The following AIDA variants were observed in gnomAD, a reference collection of about 807,000 sequenced individuals.
AIDA encodes axin interactor, dorsalization associated.
Under a neutral mutation model 42.7 loss-of-function variants are expected in AIDA, and 18 were observed. That is an observed-to-expected ratio of 0.42 (90% CI 0.29 to 0.63). The LOEUF is 0.63. Ranked by LOEUF, AIDA falls within the 20% of genes least tolerant of loss-of-function variation. The pLI, the probability that AIDA is intolerant of heterozygous loss-of-function variation, is 0.19. For synonymous variants in AIDA, 104 were observed against 122.9 expected, an observed-to-expected ratio of 0.85 and a Z score of 1.02; for missense variants, 250 against 354.1, an observed-to-expected ratio of 0.71 and a Z score of 2.36.
chr1:222,697,666 T>C (rs764465559), intron 2 of AIDA, among the ~76,000 whole-genome samples: 57 of 152,172 alleles, frequency 3.7e-4, no homozygotes, highest in Non-Finnish European at 6.0e-4. Context: ...AAGGAAAAGA[T>C]GGAATAGAAA....
chr1:222,669,989 T>C lies in AIDA; in HGVS notation c.825A>G (p.Leu275=), dbSNP rs180751217. The C allele has an allele frequency of 3.7e-6, 6 of 1,614,160 alleles. No individual in the cohort carries two copies. The East Asian group carries it at 8.9e-5, about 24-fold the overall frequency. ...EIKPGPIVIE[L]YKKPTDFKRK... is the part of the protein sequence containing the mutation. ...TTTTAAAGTCAGTGGGTTTCTTGTA[T>C]CTGTAATCACAACAGAAAGACCATT... is the stretch of plus-strand genomic sequence containing the variant. The change falls in exon 10 of 10, where the codon CTA becomes CTG. Residue 275 remains leucine (L), a splice_region_variant and synonymous_variant. Transcript: ENST00000340020.
intron 1 of AIDA, among the ~76,000 whole-genome samples, chr1:222,710,685 A>G (rs1389150016): frequency 3.9e-5 from 6 of 152,258 alleles, no homozygotes; most frequent in Non-Finnish European, 8.8e-5. Context: ...CTCTCAGTAC[A>G]TCTTAAGCAC....
chr1:222,671,074 A>T (rs1664439542), intron 8 of AIDA, among the ~76,000 whole-genome samples: 1 of 152,006 alleles, frequency 6.6e-6, no homozygotes. Context: ...AAAAAATTTT[A>T]AAAATAGCCA....
chr1:222,712,084 T>C, intron 1 of AIDA, 124 bp downstream of exon 1: 1 of 1,444,406 alleles, frequency 6.9e-7, no homozygotes, highest in Non-Finnish European at 9.4e-7. Context: ...TCAGCCCCAG[T>C]GCCTGCGGAG....
intron 2 of AIDA, among the ~76,000 whole-genome samples, chr1:222,701,061 C>A (rs1303472767): frequency 6.7e-6 from 1 of 149,536 alleles, no homozygotes; most frequent in African/African-American, 2.5e-5. Flanking sequence ...CTCCCGAGTT[C>A]AGGTGATCCT....
chr1:222,676,935 C>CAA (rs202074935), intron 6 of AIDA, among the ~76,000 whole-genome samples: 5 of 124,478 alleles, frequency 4.0e-5, no homozygotes, highest in African/African-American at 1.1e-4. Flanking sequence ...CAAAAAAAAA[C>CAA]AAACAAAAAA....
intron 7 of AIDA, among the ~76,000 whole-genome samples, chr1:222,675,658 A>T (rs1664530612): frequency 6.6e-6 from 1 of 152,160 alleles, no homozygotes; most frequent in Admixed American, 6.5e-5. Context: ...TCCAATGTAG[A>T]CCTCTCTCTT....
chr1:222,700,979 G>GGGC lies in AIDA; in HGVS notation c.180+2168_180+2169insGCC, dbSNP rs1553295537. ...CATTTCTTGATTTTTTTTGGGGGGG[G>GGGC]GGGGACAGGGTCTCACTGTGTCGCC... is the stretch of plus-strand genomic sequence containing the variant. On this transcript the variant is annotated intron_variant, in intron 2 of 9. Transcript: ENST00000340020. Among the ~76,000 whole-genome samples, 12 of 145,700 alleles carry GGGC rather than the reference G, an allele frequency of 8.2e-5. 1 individual carries two copies. Among genetic ancestry groups the GGGC allele is most frequent in the African/African-American group, 3.1e-4 (12 of 38,974 alleles).
chr1:222,699,839 T>G (rs1220632025), intron 2 of AIDA, among the ~76,000 whole-genome samples: 7 of 151,962 alleles, frequency 4.6e-5, no homozygotes, highest in African/African-American at 1.7e-4. Flanking sequence ...TGGTGCGATC[T>G]CGGCTCACTG....
rs549866223 is a variant in AIDA at position 222,687,158 on chromosome 1, G to A, written c.354-122C>T. On this transcript the variant is annotated intron_variant, in intron 5 of 9. Coordinates refer to ENST00000340020, the MANE Select transcript of AIDA (RefSeq NM_022831.4). ...AAAAAAATGCTGATAGGCCGGGTGT[G>A]GTGGCTCATGCTTGTAATCCTAGCA... The A allele has an allele frequency of 6.0e-5, 87 of 1,460,728 alleles. No homozygotes were observed. In the South Asian group the frequency reaches 1.1e-3, roughly 18 times the overall value. 90.5% of individuals were successfully genotyped at this position (1,460,728 alleles called of 1,614,324 possible).
Position 222,687,596 on chromosome 1 carries a change from T to C in AIDA, c.352A>G (p.Arg118Gly). Residue 118 changes from arginine to glycine, a missense_variant and splice_region_variant, in exon 5 of 10, where the codon AGA becomes GGA. By Grantham distance (125) the Arg-to-Gly change is moderately radical. This residue lies in a region of AIDA where 199 missense variants were observed against 232.6 expected (regional missense o/e 0.86). Transcript: ENST00000340020. ...AACAAATATAAATGTTTCTTTTACCTTAATGGGACAGGCTGAACATCAAAT... is the reference window on the plus strand; with the variant it reads ...AACAAATATAAATGTTTCTTTTACCCTAATGGGACAGGCTGAACATCAAAT... ...FPFDVQPVPL[R>G]RILAPGEEEN... The C allele has an allele frequency of 6.7e-7, 1 of 1,492,956 alleles. No homozygotes were observed. The highest frequency in any genetic ancestry group is 1.2e-5 in the South Asian group (1 of 80,690). The allele number at this position is 1,492,956 out of a possible 1,614,324, so 92.5% of individuals were successfully genotyped here.
chr1:222,680,993 A>G (rs928427721), intron 6 of AIDA, among the ~76,000 whole-genome samples: 6 of 152,298 alleles, frequency 3.9e-5, no homozygotes, highest in African/African-American at 1.4e-4. Flanking sequence ...ATGACTTTTC[A>G]TATCCTGAAG....
chr1:222,687,996 T>C (rs919389647), intron 4 of AIDA, among the ~76,000 whole-genome samples: 2 of 152,064 alleles, frequency 1.3e-5, no homozygotes, highest in Admixed American at 1.3e-4. Flanking sequence ...GCCTCCTCCC[T>C]ATAGTACTTT....
intron 8 of AIDA, among the ~76,000 whole-genome samples, chr1:222,672,421 T>G (rs1470921984): frequency 6.6e-6 from 1 of 152,206 alleles, no homozygotes; most frequent in Non-Finnish European, 1.5e-5. Context: ...ATACATAGTC[T>G]TCTAACACAG....
chr1:222,698,633 T>C (rs1057012425), intron 2 of AIDA, among the ~76,000 whole-genome samples: 9 of 151,976 alleles, frequency 5.9e-5, no homozygotes, highest in Middle Eastern at 3.2e-3. Context: ...GTATTTTTAG[T>C]AGAGACGGGG....
chr1:222,677,218 G>A lies in AIDA; in HGVS notation c.461-1000C>T, dbSNP rs145623877. Among the ~76,000 whole-genome samples the A allele has an allele frequency of 1.5e-3, 226 of 152,056 alleles. 6 individuals are homozygous for A. The South Asian group carries it at 0.021, about 14-fold the overall frequency. On this transcript the variant is annotated intron_variant, in intron 6 of 9. Coordinates refer to ENST00000340020, the MANE Select transcript of AIDA (RefSeq NM_022831.4). ...ATTGCTTATTTAAAGAGAGAGGATC[G>A]ATTTTTTAATAATACCTCTGCTGGC...
At chr1:222,701,178 G>A (rs942079008) in intron 2 of AIDA, among the ~76,000 whole-genome samples, 1 of 152,104 alleles carries the variant, frequency 6.6e-6, no homozygotes, top group African/African-American at 2.4e-5. Flanking sequence ...GCCCAGGCCG[G>A]TCTTGAACTC....
intron 1 of AIDA, among the ~76,000 whole-genome samples, chr1:222,707,136 C>G (rs946143545): frequency 1.3e-5 from 2 of 151,786 alleles, no homozygotes; most frequent in Non-Finnish European, 2.9e-5. Flanking sequence ...TAAATTATAC[C>G]TCAATAAAGT....
In AIDA at chr1:222,670,124, A is replaced by G. The variant is rs1664419349; in HGVS notation, c.824+9T>C. 3.7e-6 allele frequency: 6 copies of G among 1,612,998 alleles called. No individual in the cohort carries two copies. In the South Asian group the frequency reaches 4.4e-5, roughly 12 times the overall value. On this transcript the variant is annotated intron_variant, in intron 9 of 9. Coordinates refer to ENST00000340020, the MANE Select transcript of AIDA (RefSeq NM_022831.4). ...AAATTAGTACTAATTCTATATGCAC[A>G]TCACTTACAGTTCTATTACAATTGG... is the stretch of plus-strand genomic sequence containing the variant.
Sources: allele counts gnomAD v4.1 joint callset (sites outside exome capture counted in the v4.1 genomes callset), GRCh38; gene constraint gnomAD v4.1.1; regional missense constraint gnomAD v4.1.1; transcripts MANE v1.5; gene names NCBI Gene and HGNC (gene_info 2026-07-23, HGNC 2026-07-21).